The following ATR variants were observed in gnomAD, a reference collection of about 807,000 sequenced individuals.
The protein encoded by ATR is ATR checkpoint kinase, also known as serine/threonine-protein kinase ATR.
Under a neutral mutation model 305.3 loss-of-function variants are expected in ATR, and 142 were observed. The observed-to-expected ratio is 0.47, with a 90% CI of 0.41 to 0.53. The LOEUF is 0.53. Ranked by LOEUF, ATR falls within the 20% of genes least tolerant of loss-of-function variation. The pLI is 0.00. For synonymous variants in ATR, 1,050 were observed against 1,068.1 expected (o/e 0.98, Z 0.33); for missense variants, 2,135 against 3,133.1 (o/e 0.68, Z 7.60).
intron 46 of ATR, 129 bp from the exon 47 acceptor site, chr3:142,449,731 T>C: frequency 1.0e-6 from 1 of 989,674 alleles, no homozygotes; most frequent in East Asian, 2.6e-5. Context: ...TAAGAGCAAA[T>C]ACAGGAAAAG....
rs185048028 is a variant in ATR, at chr3:142,556,383, A to G, written c.2078T>C (p.Ile693Thr). The change falls in exon 9 of 47, where the codon ATA becomes ACA. Residue 693 changes from isoleucine (I) to threonine (T), a missense_variant and splice_region_variant. Around this residue, in one of 9 missense-constraint regions of ATR, gnomAD observed 744 missense variants for 873.2 expected, o/e 0.85. Transcript: ENST00000350721. ...NSCNRVPKIL[I>T]DKVKDDSDIV... ...TTCAAATTAAAATCTTAGTACATAC[A>G]TAAGAATCTTGGGAACTCTGTTACA... is the stretch of plus-strand genomic sequence containing the variant. The G allele has an allele frequency of 9.9e-6, 16 of 1,611,532 alleles. No homozygotes were observed. In the African/African-American group the frequency reaches 1.7e-4, roughly 17 times the overall value.
At chr3:142,538,766 T>C (rs2033950421) in intron 18 of ATR, 141 bp from the exon 19 acceptor site, 3 of 1,090,854 alleles carry the variant, frequency 2.8e-6, no homozygotes, top group Non-Finnish European at 2.6e-6. Context: ...TAAAGATCAG[T>C]GCTATATATT....
chr3:142,543,458 C>G (rs2034136781), intron 16 of ATR, among the ~76,000 whole-genome samples: 1 of 143,780 alleles, frequency 7.0e-6, no homozygotes, highest in Non-Finnish European at 1.5e-5. Context: ...CCCTCCTTTC[C>G]TCCCTCCCTC....
intron 36 of ATR, among the ~76,000 whole-genome samples, chr3:142,484,645 C>T (rs958935541): frequency 1.3e-5 from 2 of 152,134 alleles, no homozygotes; most frequent in Non-Finnish European, 2.9e-5. Context: ...TTGTGAGAAC[C>T]CCAACTTGAA....
rs2108391558 is a variant in ATR at position 142,520,874 on chromosome 3, T to C, written c.4267-1090A>G. Among the ~76,000 whole-genome samples the C allele has an allele frequency of 1.3e-5, 2 of 152,294 alleles. 1 individual carries two copies. The highest frequency in any genetic ancestry group is 2.9e-5 in the Non-Finnish European group (2 of 68,022). On this transcript the variant is annotated intron_variant, in intron 23 of 46. Coordinates refer to ENST00000350721, the MANE Select transcript of ATR (RefSeq NM_001184.4). Reference sequence around the variant, plus strand: ...ATCCAGAAGATCTAGCTAAAATCATTCTATTCTGTTGGAAGAAGATGCTAT... The same window carrying C: ...ATCCAGAAGATCTAGCTAAAATCATCCTATTCTGTTGGAAGAAGATGCTAT...
chr3:142,554,635 T>C (rs1260793202), intron 10 of ATR, among the ~76,000 whole-genome samples: 1 of 152,120 alleles, frequency 6.6e-6, no homozygotes, highest in Non-Finnish European at 1.5e-5. Flanking sequence ...TAAAAACACA[T>C]TGCAGGCCAG....
intron 17 of ATR, among the ~76,000 whole-genome samples, chr3:142,541,618 A>G (rs573094749): frequency 6.6e-6 from 1 of 152,310 alleles, no homozygotes; most frequent in South Asian, 2.1e-4. Flanking sequence ...ATGAAGGGGT[A>G]AAGAAACTCT....
chr3:142,549,339 A>G (rs1469800117), intron 15 of ATR, 140 bp downstream of exon 15: 1 of 588,336 alleles, frequency 1.7e-6, no homozygotes, highest in Admixed American at 3.7e-5. Flanking sequence ...GACAAAGATT[A>G]TTTAACATAA....
chr3:142,560,479 G>A, intron 5 of ATR, 25 bp from the exon 6 acceptor site: 1 of 1,544,960 alleles, frequency 6.5e-7, no homozygotes, highest in Non-Finnish European at 8.9e-7. Flanking sequence ...ATAGTAGAGA[G>A]ATATTCATAT....
At chr3:142,512,173 G>A (rs2032606687) in intron 27 of ATR, 87 bp downstream of exon 27, 1 of 1,195,296 alleles carries the variant, frequency 8.4e-7, no homozygotes, top group Non-Finnish European at 1.2e-6. Flanking sequence ...TTAAGCTAGT[G>A]CTTAAATTAT....
intron 44 of ATR, 158 bp from the exon 45 acceptor site, chr3:142,457,913 T>A: frequency 3.8e-6 from 3 of 785,242 alleles, no homozygotes; most frequent in Non-Finnish European, 6.0e-6. Flanking sequence ...GAAGGAGCCA[T>A]GTAGCTCTGC....
intron 24 of ATR, among the ~76,000 whole-genome samples, chr3:142,516,879 CTACCTG>C (rs2032884519): frequency 6.6e-6 from 1 of 151,776 alleles, no homozygotes; most frequent in African/African-American, 2.4e-5. Context: ...CATCTTACGG[CTACCTG>C]TGTGTAGGAT....
At chr3:142,508,263 G>T (rs2032358587) in intron 27 of ATR, among the ~76,000 whole-genome samples, 154 bp from the exon 28 acceptor site, 1 of 152,056 alleles carries the variant, frequency 6.6e-6, no homozygotes, top group Non-Finnish European at 1.5e-5. Flanking sequence ...CAGAACAATT[G>T]TTCAGAGAGT....
chr3:142,501,761 T>C (rs1051307482), intron 30 of ATR, among the ~76,000 whole-genome samples: 1 of 152,168 alleles, frequency 6.6e-6, no homozygotes, highest in South Asian at 2.1e-4. Flanking sequence ...TATTATTATT[T>C]TGAGACAAAG....
chr3:142,554,579 G>A (rs112233184), intron 10 of ATR, among the ~76,000 whole-genome samples: 2,729 of 152,192 alleles, frequency 0.018, 29 homozygotes, highest in South Asian at 0.041. Flanking sequence ...AAAATAACAA[G>A]TCTCTTTCAG....
At chr3:142,535,868 G>T (rs550122058) in intron 20 of ATR, among the ~76,000 whole-genome samples, 7 of 152,260 alleles carry the variant, frequency 4.6e-5, no homozygotes, top group African/African-American at 1.7e-4. Flanking sequence ...AAAGGCATAA[G>T]AATTGTATTT....
chr3:142,450,465 C>T (rs546815735), intron 46 of ATR: 2 of 1,601,296 alleles, frequency 1.2e-6, no homozygotes, highest in African/African-American at 2.7e-5. Context: ...CTATTACTCA[C>T]TTAATGAGGT....
rs2108275718 is a variant in ATR, at chr3:142,467,927, A to G, written c.6687+7T>C. On this transcript the variant is annotated splice_region_variant and intron_variant, in intron 39 of 46. Transcript: ENST00000350721. ...TCAGTTTATAAGCACTAAGATTATG[A>G]TAGTACCGGTTTATTGCACAATTCT... 6.2e-7 allele frequency: 1 copy of G among 1,612,446 alleles called. No individual in the cohort carries two copies. The highest frequency in any genetic ancestry group is 1.1e-5 in the South Asian group (1 of 91,032).
At chr3:142,516,984 A>AATATATAT (rs534243837) in intron 24 of ATR, among the ~76,000 whole-genome samples, 1,787 of 139,070 alleles carry the variant, frequency 0.013, 17 homozygotes, top group Admixed American at 0.017. Context: ...ATACCCAAAT[A>AATATATAT]ATATATATAT....
Sources: allele counts gnomAD v4.1 joint callset (sites outside exome capture counted in the v4.1 genomes callset), GRCh38; gene constraint gnomAD v4.1.1; regional missense constraint gnomAD v4.1.1; transcripts MANE v1.5; gene names NCBI Gene and HGNC (gene_info 2026-07-23, HGNC 2026-07-21).